The following SPTBN1 variants were observed in gnomAD, a reference collection of about 807,000 sequenced individuals.
SPTBN1 encodes spectrin beta chain, non-erythrocytic 1.
SPTBN1 carries 32 observed loss-of-function variants against 266.4 expected under a neutral mutation model. The ratio of observed to expected loss-of-function variants is 0.12; its 90% CI spans 0.09 to 0.16. The LOEUF (loss-of-function observed/expected upper bound fraction) is 0.16. SPTBN1 is among the 10% of genes least tolerant of loss of function. The pLI is 1.00. For missense variants in SPTBN1, 2,296 were observed against 3,067.1 expected (o/e 0.75, Z 5.94); for synonymous variants, 1,336 against 1,162.2 (o/e 1.15, Z -3.04).
At chr2:54,466,248 A>C (rs924573777) in intron 1 of SPTBN1, among the ~76,000 whole-genome samples, 1 of 152,196 alleles carries the variant, frequency 6.6e-6, no homozygotes, top group Non-Finnish European at 1.5e-5. Flanking sequence ...TTTTTACCCA[A>C]TAGATCAATT....
At chr2:54,623,395 CAG>C in intron 9 of SPTBN1, 82 bp from the exon 10 acceptor site, 1 of 1,196,332 alleles carries the variant, frequency 8.4e-7, no homozygotes. Context: ...TAAGTCAGAC[CAG>C]AGTTAAATGG....
chr2:54,654,283 G>A (rs1243705702), intron 27 of SPTBN1, among the ~76,000 whole-genome samples: 1 of 152,150 alleles, frequency 6.6e-6, no homozygotes, highest in Non-Finnish European at 1.5e-5. Flanking sequence ...CCCTTTCCAT[G>A]CACATTACTA....
intron 2 of SPTBN1, among the ~76,000 whole-genome samples, chr2:54,564,578 C>T (rs1168821508): frequency 6.6e-6 from 1 of 152,186 alleles, no homozygotes; most frequent in Non-Finnish European, 1.5e-5. Flanking sequence ...CACACCTGTA[C>T]CCCACAGAAG....
At chr2:54,497,075 A>G (rs1426092038) in intron 1 of SPTBN1, among the ~76,000 whole-genome samples, 1 of 152,242 alleles carries the variant, frequency 6.6e-6, no homozygotes, top group Non-Finnish European at 1.5e-5. Context: ...ACAGCATGGA[A>G]CATGAAGATA....
At chr2:54,616,449 T>G (rs374129426) in intron 5 of SPTBN1, 151 bp downstream of exon 5, 23 of 550,944 alleles carry the variant, frequency 4.2e-5, no homozygotes, top group East Asian at 2.1e-4. Context: ...ACTTTTCAAT[T>G]AGCTCTCAGA....
chr2:54,517,521 A>T (rs1241542520), intron 1 of SPTBN1, among the ~76,000 whole-genome samples: 2 of 152,222 alleles, frequency 1.3e-5, no homozygotes, highest in Non-Finnish European at 2.9e-5. Flanking sequence ...TTTGAAGTCC[A>T]AAATACTTTA....
chr2:54,532,438 C>T (rs951967052), intron 2 of SPTBN1, among the ~76,000 whole-genome samples: 3 of 152,178 alleles, frequency 2.0e-5, no homozygotes, highest in Non-Finnish European at 4.4e-5. Context: ...ATTTTTTATA[C>T]TACGTCTTTG....
At chr2:54,495,734 T>C (rs1558778486) in intron 1 of SPTBN1, among the ~76,000 whole-genome samples, 1 of 147,806 alleles carries the variant, frequency 6.8e-6, no homozygotes, top group Non-Finnish European at 1.5e-5. Context: ...TAAAATATCA[T>C]TGTTTTTATT....
intron 10 of SPTBN1, 47 bp downstream of exon 10, chr2:54,623,643 TC>T (rs1462925636): frequency 2.8e-6 from 4 of 1,454,366 alleles, no homozygotes; most frequent in African/African-American, 1.4e-5. Context: ...CCTGGAGGCT[TC>T]AGGTTCTATC....
intron 1 of SPTBN1, among the ~76,000 whole-genome samples, chr2:54,523,780 A>G (rs1670629824): frequency 6.6e-6 from 1 of 152,186 alleles, no homozygotes; most frequent in Non-Finnish European, 1.5e-5. Flanking sequence ...TTTGGTTAGC[A>G]CGCAGGCTGT....
chr2:54,558,870 G>C lies in SPTBN1; in HGVS notation c.148+32304G>C. On this transcript the variant is annotated intron_variant, in intron 2 of 35. Coordinates refer to ENST00000356805, the MANE Select transcript of SPTBN1 (RefSeq NM_003128.3). The surrounding 1 kb of genome is among the most constrained non-coding windows in gnomAD (Gnocchi z 4.6). Reference sequence around the variant, plus strand: ...TACAACTACAACCAGCTGGAAGGCAGATTCAAGCAGCTGCAAGGTAAGCCC... The same window carrying C: ...TACAACTACAACCAGCTGGAAGGCACATTCAAGCAGCTGCAAGGTAAGCCC... 1 of 1,613,792 alleles carries C rather than the reference G, an allele frequency of 6.2e-7. No individual in the cohort carries two copies. The highest frequency in any genetic ancestry group is 8.5e-7 in the Non-Finnish European group (1 of 1,179,782).
rs563316211 is a variant in SPTBN1 at position 54,483,643 on chromosome 2, A to G, written c.-48+27125A>G. Among the ~76,000 whole-genome samples, 6 of 152,302 alleles carry G rather than the reference A, an allele frequency of 3.9e-5. No homozygotes were observed. The South Asian group carries it at 1.2e-3, about 32-fold the overall frequency. ...TGCTTTCTGTGAGCCCACTATAAAG[A>G]AAATGCCAAGTGTTCCTGGGCACAG... On this transcript the variant is annotated intron_variant, in intron 1 of 35. Coordinates refer to ENST00000356805, the MANE Select transcript of SPTBN1 (RefSeq NM_003128.3).
At chr2:54,597,233 A>G (rs1676148879) in intron 2 of SPTBN1, among the ~76,000 whole-genome samples, 1 of 152,186 alleles carries the variant, frequency 6.6e-6, no homozygotes, top group Non-Finnish European at 1.5e-5. Flanking sequence ...TGCACCTTAC[A>G]TATTCTGCTC....
rs762112899 is a variant in SPTBN1 at position 54,629,589 on chromosome 2, G to T, written c.2455G>T (p.Asp819Tyr). Residue 819 changes from aspartate (D) to tyrosine (Y), a missense_variant, in exon 14 of 36, where the codon GAC (aspartate) becomes TAC (tyrosine). By Grantham distance (160) the Asp-to-Tyr change is radical (BLOSUM62 -3). This residue lies in a region of SPTBN1 where 434 missense variants were observed against 573.9 expected (regional missense o/e 0.76). Transcript: ENST00000356805. ...CCCCCAGGAGCATGCCGAGTCTCCA[G>T]ACGTGAGGGGCAGGCTGTCGGGCAT... ...ALPQEHAESP[D>Y]VRGRLSGIEE... is the part of the protein sequence containing the mutation. 2 of 1,613,962 alleles carry T rather than the reference G, an allele frequency of 1.2e-6. No homozygotes were observed. The highest frequency in any genetic ancestry group is 1.7e-6 in the Non-Finnish European group (2 of 1,180,040).
At chr2:54,468,645 TGGAAA>T (rs1417384440) in intron 1 of SPTBN1, among the ~76,000 whole-genome samples, 1 of 152,130 alleles carries the variant, frequency 6.6e-6, no homozygotes, top group Non-Finnish European at 1.5e-5. Flanking sequence ...TAAAGAAAAA[TGGAAA>T]GGAAGAAAGA....
chr2:54,486,882 C>T (rs1018466827), intron 1 of SPTBN1, among the ~76,000 whole-genome samples: 11 of 152,130 alleles, frequency 7.2e-5, no homozygotes, highest in African/African-American at 2.7e-4. Context: ...CCGGGGTCTT[C>T]TGATGCTTGT....
intron 17 of SPTBN1, 132 bp from the exon 18 acceptor site, chr2:54,637,581 C>T: frequency 1.4e-6 from 1 of 705,444 alleles, no homozygotes; most frequent in Non-Finnish European, 2.3e-6. Context: ...TTGTCTCCTT[C>T]ACATTATTGA....
rs1207276451 is a variant in SPTBN1, at chr2:54,533,472, C to G, written c.148+6906C>G. ...TGTAAAGAAATCTATAAAACATGGC[C>G]TAGAATGATCTAATTAGGAGGAGGA... On this transcript the variant is annotated intron_variant, in intron 2 of 35. Coordinates refer to ENST00000356805, the MANE Select transcript of SPTBN1 (RefSeq NM_003128.3). The surrounding 1 kb of genome is among the most constrained non-coding windows in gnomAD (Gnocchi z 4.2). Among the ~76,000 whole-genome samples, 1 of 151,440 alleles carries G rather than the reference C, an allele frequency of 6.6e-6. No homozygotes were observed. The highest frequency in any genetic ancestry group is 1.5e-5 in the Non-Finnish European group (1 of 67,952).
At chr2:54,538,393 C>T (rs561735938) in intron 2 of SPTBN1, among the ~76,000 whole-genome samples, 1 of 152,262 alleles carries the variant, frequency 6.6e-6, no homozygotes, top group Non-Finnish European at 1.5e-5. Context: ...ATTCTAGATT[C>T]TTTAGCAGTA....
Sources: gnomAD v4.1 joint callset for allele counts (sites outside exome capture counted in the v4.1 genomes callset) on GRCh38, gnomAD v4.1.1 for gene constraint, gnomAD v4.1.1 regional missense constraint, Gnocchi (gnomAD v3.1) non-coding constraint, MANE v1.5 for transcripts, NCBI Gene and HGNC (gene_info 2026-07-23, HGNC 2026-07-21) for gene names.